CPA4: variants seen among roughly 807,000 people sequenced by gnomAD.
The protein encoded by CPA4 is carboxypeptidase A4.
In CPA4, 49 loss-of-function variants were observed where a neutral mutation model predicts 54.7. The observed-to-expected ratio is 0.90, with a 90% CI of 0.71 to 1.14. The LOEUF (loss-of-function observed/expected upper bound fraction) is 1.14, where lower values mean the gene tolerates loss of function less well. Among genes scored for constraint, CPA4 ranks in the 50% most tolerant of loss-of-function variants. The pLI, the probability that CPA4 is intolerant of heterozygous loss-of-function variation, is 0.00. For missense variants in CPA4, 487 were observed against 525.1 expected (o/e 0.93, Z 0.71); for synonymous variants, 215 against 206.8 (o/e 1.04, Z -0.34).
intron 3 of CPA4, 94 bp from the exon 4 acceptor site, chr7:130,300,722 C>A: frequency 1.3e-6 from 1 of 794,392 alleles, no homozygotes; most frequent in Non-Finnish European, 2.2e-6. Context: ...GAAAGGGCCG[C>A]CATCTTGGCT....
In CPA4 at chr7:130,311,003, T is replaced by C; in HGVS notation, c.993+17T>C. ...GAGGAACTCGTGAGTCACAGCTGCC[T>C]CCCACCCAGCCTGGGGCCCGCCTGA... On this transcript the variant is annotated intron_variant, in intron 9 of 10. Transcript: ENST00000222482. 1 of 1,610,522 alleles carries C rather than the reference T, an allele frequency of 6.2e-7. No individual in the cohort carries two copies. The highest frequency in any genetic ancestry group is 8.5e-7 in the Non-Finnish European group (1 of 1,177,940).
At chr7:130,316,870 T>C (rs556649621) in intron 10 of CPA4, among the ~76,000 whole-genome samples, 1 of 147,376 alleles carries the variant, frequency 6.8e-6, no homozygotes, top group African/African-American at 2.5e-5. Flanking sequence ...GAGGCAGAGG[T>C]TGCACTCCAG....
chr7:130,305,887 C>G lies in CPA4; in HGVS notation c.558C>G (p.Ile186Met). The G allele has an allele frequency of 6.2e-7, 1 of 1,614,000 alleles. No individual in the cohort carries two copies. The highest frequency in any genetic ancestry group is 8.5e-7 in the Non-Finnish European group (1 of 1,179,858). Reference sequence around the variant, plus strand: ...CAGGCATCCATTCCCGAGAGTGGATCTCCCAGGCCACTGCAATCTGGACGG... The same window carrying G: ...CAGGCATCCATTCCCGAGAGTGGATGTCCCAGGCCACTGCAATCTGGACGG... ...LNAGIHSREW[I>M]SQATAIWTAR... is the part of the protein sequence containing the mutation. Residue 186 changes from isoleucine (I) to methionine (M), a missense_variant, in exon 6 of 11, where the codon ATC (isoleucine) becomes ATG (methionine). By Grantham distance (10) the Ile-to-Met change is conservative (BLOSUM62 1). Transcript: ENST00000222482.
At chr7:130,305,719 T>A in intron 5 of CPA4, 97 bp from the exon 6 acceptor site, 1 of 889,508 alleles carries the variant, frequency 1.1e-6, no homozygotes, top group East Asian at 2.5e-5. Context: ...CTGAATTATC[T>A]TAAATGAATT....
intron 1 of CPA4, among the ~76,000 whole-genome samples, chr7:130,294,015 C>T (rs1050684997): frequency 4.6e-5 from 7 of 152,170 alleles, no homozygotes; most frequent in African/African-American, 1.7e-4. Flanking sequence ...TGTTAGAAGA[C>T]TGAATTATAA....
Position 130,310,686 on chromosome 7 carries a change from G to A in CPA4, c.794-101G>A. The A allele has an allele frequency of 1.8e-6, 2 of 1,084,076 alleles. No individual in the cohort carries two copies. Among genetic ancestry groups the A allele is most frequent in the Non-Finnish European group, 2.8e-6 (2 of 722,744 alleles). 67.2% of individuals were successfully genotyped at this position (1,084,076 alleles called of 1,614,324 possible). A position where few individuals can be genotyped will look rare whatever the true frequency, so the allele number is the denominator to read the frequency against. On this transcript the variant is annotated intron_variant, in intron 8 of 10. Transcript: ENST00000222482. The surrounding 1 kb of genome is among the most constrained non-coding windows in gnomAD (Gnocchi z 4.3). ...GCTCTGGGCCGTCTCGCCATGGCCT[G>A]CCCATTCCCAATACCTTCGGCCCCT... is the stretch of plus-strand genomic sequence containing the variant.
chr7:130,308,404 G>T lies in CPA4; in HGVS notation c.793+7G>T. 6.2e-7 allele frequency: 1 copy of T among 1,611,180 alleles called. No individual in the cohort carries two copies. ...TGGAACGCTAGTTTTGCAGGTAGGC[G>T]GTGGGGAGACAGTTCTCAAATCCTG... On this transcript the variant is annotated splice_region_variant and intron_variant, in intron 8 of 10. Coordinates refer to ENST00000222482, the MANE Select transcript of CPA4 (RefSeq NM_016352.4).
intron 7 of CPA4, 182 bp from the exon 8 acceptor site, chr7:130,308,125 A>G (rs1032289937): frequency 3.3e-6 from 2 of 611,500 alleles, no homozygotes; most frequent in Admixed American, 5.8e-5. Context: ...TAGAGCCGGA[A>G]GGGGAAATAC....
chr7:130,305,971 T>A (rs1256407688), intron 6 of CPA4, 51 bp downstream of exon 6: 1 of 1,461,906 alleles, frequency 6.8e-7, no homozygotes, highest in East Asian at 2.3e-5. Flanking sequence ...GGGGTGCCCC[T>A]GCAGCATGCC....
intron 3 of CPA4, chr7:130,299,893 A>G (rs1231071076): frequency 6.1e-6 from 1 of 164,644 alleles, no homozygotes; most frequent in African/African-American, 2.4e-5. Context: ...GGTGTTGGGG[A>G]CCAGCCACAG....
intron 3 of CPA4, among the ~76,000 whole-genome samples, chr7:130,300,304 G>C (rs1432726374): frequency 6.6e-6 from 1 of 151,692 alleles, no homozygotes; most frequent in Admixed American, 6.6e-5. Context: ...TTTTGAATGA[G>C]GCCATGTAAA....
At chr7:130,300,190 G>GT (rs2117135414) in intron 3 of CPA4, among the ~76,000 whole-genome samples, 1 of 152,256 alleles carries the variant, frequency 6.6e-6, no homozygotes, top group Non-Finnish European at 1.5e-5. Context: ...TTCCCAAGCT[G>GT]TGTATTTCAG....
chr7:130,300,851 C>A lies in CPA4; in HGVS notation c.321C>A (p.His107Gln). The change falls in exon 4 of 11, where the codon CAC becomes CAA. Residue 107 changes from histidine to glutamine, a missense_variant. His to Gln is a conservative substitution (Grantham distance 24). Coordinates refer to ENST00000222482, the MANE Select transcript of CPA4 (RefSeq NM_016352.4). ...LLDNEDDEMQ[H>Q]NEGQERSSNN... ...ACAATGAAGATGATGAAATGCAACACAATGAAGGGCAAGAACGGAGCAGTA... is the reference window on the plus strand; with the variant it reads ...ACAATGAAGATGATGAAATGCAACAAAATGAAGGGCAAGAACGGAGCAGTA... 1 of 1,613,896 alleles carries A rather than the reference C, an allele frequency of 6.2e-7. No individual in the cohort carries two copies. The highest frequency in any genetic ancestry group is 1.1e-5 in the South Asian group (1 of 91,076).
chr7:130,314,351 A>T (rs1793957423), intron 10 of CPA4, among the ~76,000 whole-genome samples: 1 of 152,188 alleles, frequency 6.6e-6, no homozygotes, highest in African/African-American at 2.4e-5. Context: ...AGGGAGTCGT[A>T]ATAGGTTTGA....
intron 1 of CPA4, chr7:130,293,516 G>A (rs1793603892): frequency 2.4e-6 from 1 of 409,410 alleles, no homozygotes; most frequent in East Asian, 5.6e-5. Context: ...TACTTATAAG[G>A]TCAGTTCCAG....
chr7:130,306,528 A>T (rs954147841), intron 6 of CPA4, among the ~76,000 whole-genome samples: 4 of 152,198 alleles, frequency 2.6e-5, no homozygotes, highest in Non-Finnish European at 4.4e-5. Flanking sequence ...GGAATAAAGC[A>T]CGTACCCCAG....
At chr7:130,313,837 A>G (rs1793950028) in intron 10 of CPA4, among the ~76,000 whole-genome samples, 1 of 152,200 alleles carries the variant, frequency 6.6e-6, no homozygotes, top group Non-Finnish European at 1.5e-5. Context: ...AAAGAACAAG[A>G]CTTCGTTGTA....
intron 10 of CPA4, among the ~76,000 whole-genome samples, chr7:130,319,615 C>A (rs573407385): frequency 9.1e-4 from 138 of 152,258 alleles, no homozygotes; most frequent in Admixed American, 2.2e-3. Context: ...GCTTGTATAC[C>A]CTTTTTCATA....
chr7:130,311,113 C>A, intron 9 of CPA4, 127 bp downstream of exon 9: 1 of 713,478 alleles, frequency 1.4e-6, no homozygotes, highest in Non-Finnish European at 2.5e-6. Flanking sequence ...AAGGTCCAAT[C>A]TTCTCTCCCT....
Sources: gnomAD v4.1 joint callset for allele counts (sites outside exome capture counted in the v4.1 genomes callset) on GRCh38, gnomAD v4.1.1 for gene constraint, Gnocchi (gnomAD v3.1) non-coding constraint, MANE v1.5 for transcripts, NCBI Gene and HGNC (gene_info 2026-07-23, HGNC 2026-07-21) for gene names.